The following UBE2K variants were observed in gnomAD, a reference collection of about 807,000 sequenced individuals.
The protein encoded by UBE2K is ubiquitin conjugating enzyme E2 K.
In UBE2K, 6 loss-of-function variants were observed where a neutral mutation model predicts 30.0. The observed-to-expected ratio is 0.20, with a 90% CI of 0.11 to 0.39. The LOEUF (loss-of-function observed/expected upper bound fraction) is 0.39, where lower values mean the gene tolerates loss of function less well. Ranked by LOEUF, UBE2K falls within the 10% of genes least tolerant of loss-of-function variation. The pLI, the probability that UBE2K is intolerant of heterozygous loss-of-function variation, is 1.00. For synonymous variants in UBE2K, 86 were observed against 83.7 expected, an observed-to-expected ratio of 1.03 and a Z score of -0.15; for missense variants, 61 against 241.6, an observed-to-expected ratio of 0.25 and a Z score of 4.96.
chr4:39,763,624 G>A (rs1372715638), intron 4 of UBE2K, among the ~76,000 whole-genome samples: 2 of 151,502 alleles, frequency 1.3e-5, no homozygotes, highest in Non-Finnish European at 2.9e-5. Context: ...ATTCATGAGC[G>A]ATTTGCCCCC....
Position 39,698,369 on chromosome 4 carries a change from G to A in UBE2K, c.42G>A (p.Lys14=). Residue 14 remains lysine (K), a synonymous_variant, in exon 1 of 7, where the codon AAG becomes AAA. Transcript: ENST00000261427. Reference sequence around the variant, plus strand: ...TGCAGCGAATCAAGCGGGAGTTCAAGGAGGTGCTGAAGAGCGAGGAGGTCA... The same window carrying A: ...TGCAGCGAATCAAGCGGGAGTTCAAAGAGGTGCTGAAGAGCGAGGAGGTCA... ...IAVQRIKREF[K]EVLKSEETSK... The A allele has an allele frequency of 6.2e-7, 1 of 1,613,346 alleles. No homozygotes were observed. The highest frequency in any genetic ancestry group is 8.5e-7 in the Non-Finnish European group (1 of 1,179,756).
intron 4 of UBE2K, chr4:39,770,628 T>C (rs1372083116): frequency 1.9e-6 from 3 of 1,599,780 alleles, no homozygotes; most frequent in Non-Finnish European, 2.6e-6. Flanking sequence ...CCCTTCTGCG[T>C]TCTCCGACAG....
chr4:39,760,193 C>A (rs76947925), intron 4 of UBE2K, among the ~76,000 whole-genome samples: 798 of 33,730 alleles, frequency 0.024, 3 homozygotes, highest in East Asian at 0.044. Flanking sequence ...AAAAAAAAAA[C>A]AGAAAAAAAA....
chr4:39,755,236 A>G (rs182260563), intron 3 of UBE2K, among the ~76,000 whole-genome samples: 3 of 152,318 alleles, frequency 2.0e-5, no homozygotes, highest in Admixed American at 2.0e-4. Context: ...GCTTCCATTC[A>G]CTGGTTTTAC....
chr4:39,771,743 C>A (rs766570411), intron 4 of UBE2K, among the ~76,000 whole-genome samples: 2 of 152,172 alleles, frequency 1.3e-5, no homozygotes, highest in African/African-American at 4.8e-5. Flanking sequence ...ATAGAGAAAA[C>A]TTCCCAAGGG....
At position 39,782,587 on chromosome 4, in the gene UBE2K, A is replaced by C. The variant is rs1401006051; in HGVS notation, c.*4153A>C. The C allele has an allele frequency of 3.9e-5, 6 of 152,052 alleles. No homozygotes were observed. Among genetic ancestry groups the C allele is most frequent in the African/African-American group, 1.4e-4 (6 of 41,414 alleles). The allele number at this position is 152,052 out of a possible 1,614,324, so 9.4% of individuals were successfully genotyped here. Reference sequence around the variant, plus strand: ...AGCCGTTAACTTCCTGTAAGGGGAAAATGGGTGGGTTACCAGAAATACCAT... The same window carrying C: ...AGCCGTTAACTTCCTGTAAGGGGAACATGGGTGGGTTACCAGAAATACCAT... On this transcript the variant is annotated 3_prime_UTR_variant, in exon 7 of 7. Coordinates refer to ENST00000261427, the MANE Select transcript of UBE2K (RefSeq NM_005339.5).
In UBE2K at chr4:39,778,635, G is replaced by A; in HGVS notation, c.*201G>A. On this transcript the variant is annotated 3_prime_UTR_variant, in exon 7 of 7. Coordinates refer to ENST00000261427, the MANE Select transcript of UBE2K (RefSeq NM_005339.5). ...TAAACGTCTGTGTAAATTTAAAAAG[G>A]GGAAATACTTTAATTTTTTTTCTTA... 2.3e-6 allele frequency: 1 copy of A among 428,446 alleles called. No individual in the cohort carries two copies. Among genetic ancestry groups the A allele is most frequent in the Non-Finnish European group, 4.1e-6 (1 of 242,116 alleles). 26.5% of individuals were successfully genotyped at this position (428,446 alleles called of 1,614,324 possible).
intron 2 of UBE2K, among the ~76,000 whole-genome samples, chr4:39,740,098 C>G: frequency 6.6e-6 from 1 of 151,970 alleles, no homozygotes; most frequent in South Asian, 2.1e-4. Flanking sequence ...AAATCAGATG[C>G]TTGTCCTAAT....
Position 39,733,070 on chromosome 4 carries a change from A to C in UBE2K, c.64-4350A>C, listed in dbSNP as rs1050098271. Reference sequence around the variant, plus strand: ...CATCAGGAAAAAAAAAAAAAAAAAAAAAAACAACCAGAGGTCCCGCTATGT... The same window carrying C: ...CATCAGGAAAAAAAAAAAAAAAAAACAAAACAACCAGAGGTCCCGCTATGT... On this transcript the variant is annotated intron_variant, in intron 1 of 6. Coordinates refer to ENST00000261427, the MANE Select transcript of UBE2K (RefSeq NM_005339.5). 2.9e-3 allele frequency among the ~76,000 whole-genome samples: 440 copies of C among 151,156 alleles called. 1 individual carries two copies. Among genetic ancestry groups the C allele is most frequent in the African/African-American group, 0.01 (428 of 41,324 alleles).
rs1048733146 is a variant in UBE2K at position 39,771,263 on chromosome 4, G to A, written c.300-3571G>A. ...CTGGGGTTAAGCAGGAACTGGTCCC[G>A]CAGGAACGGTGAGCAGGCGGCTAAG... is the stretch of plus-strand genomic sequence containing the variant. On this transcript the variant is annotated intron_variant, in intron 4 of 6. Transcript: ENST00000261427. 10 of 1,611,446 alleles carry A rather than the reference G, an allele frequency of 6.2e-6. No homozygotes were observed. The East Asian group carries it at 2.0e-4, about 32-fold the overall frequency.
chr4:39,704,540 C>CTTTTTA, intron 1 of UBE2K, among the ~76,000 whole-genome samples: 1 of 151,864 alleles, frequency 6.6e-6, no homozygotes, highest in Admixed American at 6.6e-5. Flanking sequence ...AGCTTCTTCC[C>CTTTTTA]TTTTTATTTA....
At chr4:39,754,670 A>T (rs1299104643) in intron 3 of UBE2K, among the ~76,000 whole-genome samples, 1 of 152,060 alleles carries the variant, frequency 6.6e-6, no homozygotes, top group East Asian at 1.9e-4. Flanking sequence ...CACCATGCCC[A>T]GCTAATTTTT....
chr4:39,768,952 A>G (rs1030421261), intron 4 of UBE2K, among the ~76,000 whole-genome samples: 2 of 151,942 alleles, frequency 1.3e-5, no homozygotes, highest in East Asian at 1.9e-4. Flanking sequence ...CAGCCTTCCA[A>G]ATAGCTGGGA....
At chr4:39,745,694 T>A in intron 2 of UBE2K, 58 bp from the exon 3 acceptor site, 1 of 1,155,916 alleles carries the variant, frequency 8.7e-7, no homozygotes, top group Non-Finnish European at 1.3e-6. Context: ...ATCAGTATAT[T>A]TGTCTTATAT....
chr4:39,770,078 C>T (rs1485469138), intron 4 of UBE2K: 5 of 1,540,578 alleles, frequency 3.2e-6, no homozygotes, highest in African/African-American at 2.7e-5. Context: ...CACGCCTGCG[C>T]GGCTAGCGGA....
At chr4:39,699,233 CTG>C (rs1055806582) in intron 1 of UBE2K, among the ~76,000 whole-genome samples, 2 of 152,216 alleles carry the variant, frequency 1.3e-5, no homozygotes, top group African/African-American at 4.8e-5. Context: ...ATCAGAGAGA[CTG>C]TCTTAAGACA....
At chr4:39,752,651 T>G (rs1175096363) in intron 3 of UBE2K, among the ~76,000 whole-genome samples, 1 of 152,132 alleles carries the variant, frequency 6.6e-6, no homozygotes, top group Non-Finnish European at 1.5e-5. Flanking sequence ...TTTAAAGTTA[T>G]AAAATGCTGT....
chr4:39,755,483 A>G (rs572269764), intron 3 of UBE2K, among the ~76,000 whole-genome samples, 174 bp from the exon 4 acceptor site: 2 of 152,320 alleles, frequency 1.3e-5, no homozygotes, highest in African/African-American at 4.8e-5. Context: ...GTTAGTGACA[A>G]CATTCAGCTT....
At chr4:39,749,088 C>A (rs1721126554) in intron 3 of UBE2K, among the ~76,000 whole-genome samples, 1 of 152,130 alleles carries the variant, frequency 6.6e-6, no homozygotes, top group Non-Finnish European at 1.5e-5. Flanking sequence ...ATTCTCATTA[C>A]TACTGTGCAG....
Sources: gnomAD v4.1 joint callset for allele counts (sites outside exome capture counted in the v4.1 genomes callset) on GRCh38, gnomAD v4.1.1 for gene constraint, MANE v1.5 for transcripts, NCBI Gene and HGNC (gene_info 2026-07-23, HGNC 2026-07-21) for gene names.